The following FER variants were observed in gnomAD, a reference collection of about 807,000 sequenced individuals.
The protein encoded by FER is tyrosine-protein kinase Fer.
FER carries 63 observed loss-of-function variants against 111.0 expected under a neutral mutation model. The ratio of observed to expected loss-of-function variants is 0.57; its 90% confidence interval spans 0.46 to 0.70. The LOEUF is 0.70. FER is among the 30% of genes least tolerant of loss of function. The pLI, the probability that FER is intolerant of heterozygous loss-of-function variation, is 0.00. For synonymous variants in FER, 327 were observed against 313.9 expected, an observed-to-expected ratio of 1.04 and a Z score of -0.44; for missense variants, 914 against 954.0, an observed-to-expected ratio of 0.96 and a Z score of 0.55.
At chr5:109,138,379 C>G (rs1753141650) in intron 17 of FER, among the ~76,000 whole-genome samples, 1 of 151,978 alleles carries the variant, frequency 6.6e-6, no homozygotes, top group Admixed American at 6.6e-5. Flanking sequence ...ATAAGATGAA[C>G]AGTTTCTGGG....
intron 10 of FER, among the ~76,000 whole-genome samples, chr5:108,923,998 C>T (rs1325639848): frequency 1.3e-5 from 2 of 152,010 alleles, no homozygotes; most frequent in Admixed American, 1.3e-4. Flanking sequence ...AGATCCAAAA[C>T]CTAAAATAAG....
chr5:108,790,430 T>A (rs1755238901), intron 2 of FER, among the ~76,000 whole-genome samples: 1 of 152,220 alleles, frequency 6.6e-6, no homozygotes, highest in African/African-American at 2.4e-5. Flanking sequence ...GAAATTCACC[T>A]CTGGTATGGA....
chr5:109,180,669 A>C (rs1416848254), intron 17 of FER, 78 bp from the exon 18 acceptor site: 1 of 1,461,046 alleles, frequency 6.8e-7, no homozygotes, highest in Non-Finnish European at 9.2e-7. Flanking sequence ...GTAAAAATGC[A>C]AAGTGTGGAA....
chr5:108,870,431 A>AC (rs1321245154), intron 6 of FER, among the ~76,000 whole-genome samples: 2 of 152,150 alleles, frequency 1.3e-5, no homozygotes, highest in Non-Finnish European at 2.9e-5. Context: ...AGAGATACTG[A>AC]CTAAATCTGT....
rs771260179 is a variant in FER at position 108,959,330 on chromosome 5, C to G, written c.1639C>G (p.Leu547Val). The change falls in exon 13 of 20, where the codon CTG (leucine) becomes GTG (valine). Residue 547 changes from leucine (L) to valine (V), a missense_variant. This residue lies in a region of FER where 774 missense variants were observed against 782.6 expected (regional missense o/e 0.99). Transcript: ENST00000281092. ...VITKKSGVVL[L>V]NPIPKDKKWI... ...CACTAAGAAATCAGGTGTAGTTCTG[C>G]TGAATCCTATTCCTAAGGTAGGTGC... The G allele has an allele frequency of 1.2e-5, 19 of 1,610,552 alleles. No individual in the cohort carries two copies. Among genetic ancestry groups the G allele is most frequent in the Non-Finnish European group, 8.5e-7 (1 of 1,178,146 alleles).
chr5:109,005,907 T>G (rs773261879), intron 13 of FER, among the ~76,000 whole-genome samples: 2 of 152,244 alleles, frequency 1.3e-5, no homozygotes, highest in Non-Finnish European at 2.9e-5. Context: ...GAGTATAACT[T>G]AAGACAAATT....
intron 16 of FER, among the ~76,000 whole-genome samples, chr5:109,075,570 C>T (rs1019453017): frequency 6.6e-6 from 1 of 151,872 alleles, no homozygotes; most frequent in African/African-American, 2.4e-5. Flanking sequence ...ACTACAGGTG[C>T]CTGCCACCAC....
rs151056710 is a variant in FER, at chr5:109,031,515, A to C, written c.1657-5907A>C. The stretch of plus-strand genomic sequence containing the variant: ...TTAAAAAAAAATTAAAGGGTTACAC[A>C]ATAAAGAGTATTTGGAGACTTCTGG... On this transcript the variant is annotated intron_variant, in intron 13 of 19. Coordinates refer to ENST00000281092, the MANE Select transcript of FER (RefSeq NM_005246.4). Among the ~76,000 whole-genome samples, 171 of 152,314 alleles carry C rather than the reference A, an allele frequency of 1.1e-3. 3 individuals carry two copies. The highest frequency in any genetic ancestry group is 1.2e-3 in the Non-Finnish European group (81 of 68,026).
At chr5:109,126,683 C>T (rs1248711584) in intron 17 of FER, among the ~76,000 whole-genome samples, 4 of 151,988 alleles carry the variant, frequency 2.6e-5, no homozygotes, top group South Asian at 2.1e-4. Context: ...TTATTTTGTG[C>T]CAAGTATCAC....
At chr5:109,001,760 T>G (rs1764806777) in intron 13 of FER, among the ~76,000 whole-genome samples, 1 of 152,192 alleles carries the variant, frequency 6.6e-6, no homozygotes, top group Non-Finnish European at 1.5e-5. Flanking sequence ...AAAATCTCCT[T>G]AAGCTAATAG....
intron 13 of FER, among the ~76,000 whole-genome samples, chr5:109,033,518 G>C (rs541024434): frequency 1.3e-3 from 192 of 152,296 alleles, no homozygotes; most frequent in Non-Finnish European, 2.4e-3. Flanking sequence ...CAATGTCCAT[G>C]TTCCCTAATT....
chr5:108,760,475 G>A (rs1751608076), intron 1 of FER, among the ~76,000 whole-genome samples: 2 of 152,174 alleles, frequency 1.3e-5, no homozygotes, highest in South Asian at 4.1e-4. Flanking sequence ...ATATAAGGCT[G>A]TTTCATATAC....
chr5:108,889,796 T>A (rs934051815), intron 9 of FER, among the ~76,000 whole-genome samples: 18 of 151,984 alleles, frequency 1.2e-4, no homozygotes, highest in African/African-American at 4.3e-4. Context: ...ATATACCTAT[T>A]ATGTACCCAC....
At chr5:109,000,105 TTAC>T (rs1268467729) in intron 13 of FER, among the ~76,000 whole-genome samples, 2 of 151,804 alleles carry the variant, frequency 1.3e-5, no homozygotes, top group East Asian at 3.9e-4. Context: ...ATGTATATAT[TTAC>T]TGGTTAATGT....
At chr5:108,871,262 T>A in intron 6 of FER, 103 bp from the exon 7 acceptor site, 1 of 923,566 alleles carries the variant, frequency 1.1e-6, no homozygotes, top group Non-Finnish European at 1.6e-6. Context: ...ATCTGTACAT[T>A]TCAACATTAC....
chr5:109,057,202 A>G (rs1005832707), intron 16 of FER, among the ~76,000 whole-genome samples: 6 of 152,244 alleles, frequency 3.9e-5, no homozygotes, highest in Non-Finnish European at 8.8e-5. Context: ...CAAAGTAACA[A>G]CCTCAGCTTC....
Position 108,782,855 on chromosome 5 carries a change from T to G in FER, c.-60+14617T>G, listed in dbSNP as rs536662675. On this transcript the variant is annotated intron_variant, in intron 2 of 19. Coordinates refer to ENST00000281092, the MANE Select transcript of FER (RefSeq NM_005246.4). ...AATAGATGCCTAATTGCCCCTGTAC[T>G]GTTTGTTGAAAAGGCTATTCTTCTT... The G allele has an allele frequency of 2.0e-5, 3 of 152,366 alleles. No individual in the cohort carries two copies. The East Asian group carries it at 5.8e-4, about 29-fold the overall frequency. 9.4% of individuals were successfully genotyped at this position (152,366 alleles called of 1,614,324 possible).
intron 4 of FER, among the ~76,000 whole-genome samples, chr5:108,833,507 T>G (rs1760269153): frequency 6.6e-6 from 1 of 151,084 alleles, no homozygotes; most frequent in Admixed American, 6.6e-5. Context: ...TTTTTTACAT[T>G]GGATCATTTT....
intron 5 of FER, among the ~76,000 whole-genome samples, chr5:108,853,799 T>G (rs1412006541): frequency 2.0e-5 from 3 of 152,138 alleles, no homozygotes; most frequent in Non-Finnish European, 4.4e-5. Context: ...TTTACTCAAG[T>G]AAGATGGGAA....
Sources: allele counts gnomAD v4.1 joint callset (sites outside exome capture counted in the v4.1 genomes callset), GRCh38; gene constraint gnomAD v4.1.1; regional missense constraint gnomAD v4.1.1; transcripts MANE v1.5; gene names NCBI Gene and HGNC (gene_info 2026-07-23, HGNC 2026-07-21).